CUX2: variants seen among roughly 807,000 people sequenced by gnomAD.
CUX2 encodes the protein cut like homeobox 2, also known as homeobox protein cut-like 2.
CUX2 carries 40 observed loss-of-function variants against 144.8 expected under a neutral mutation model. That is an observed-to-expected ratio of 0.28 (90% CI 0.21 to 0.36). The LOEUF (loss-of-function observed/expected upper bound fraction) is 0.36, where lower values mean the gene tolerates loss of function less well. Among genes scored for constraint, CUX2 ranks in the 10% least tolerant of loss-of-function variants. The probability of loss-of-function intolerance (pLI) is 1.00; values close to 1 mark genes in which losing one functional copy is unlikely to be tolerated. For synonymous variants in CUX2, 827 were observed against 875.6 expected (o/e 0.94, Z 0.98); for missense variants, 1,615 against 1,994.0 (o/e 0.81, Z 3.62).
At chr12:111,273,089 G>A (rs1351617092) in intron 4 of CUX2, among the ~76,000 whole-genome samples, 2 of 152,082 alleles carry the variant, frequency 1.3e-5, no homozygotes, top group Non-Finnish European at 2.9e-5. Flanking sequence ...GGAGACTCTC[G>A]GGTTCAGCAA....
chr12:111,070,990 C>T (rs1023404962), intron 1 of CUX2, among the ~76,000 whole-genome samples: 27 of 151,830 alleles, frequency 1.8e-4, no homozygotes, highest in Admixed American at 5.2e-4. Flanking sequence ...CAGGTACCAC[C>T]GTTTATTTAT....
At chr12:111,075,086 ACCCCCAC>A (rs947119858) in intron 1 of CUX2, among the ~76,000 whole-genome samples, 1 of 138,288 alleles carries the variant, frequency 7.2e-6, no homozygotes, top group African/African-American at 2.7e-5. Context: ...GACAGCCACC[ACCCCCAC>A]CCCCCACCAC....
At chr12:111,202,996 C>T (rs578168297) in intron 1 of CUX2, among the ~76,000 whole-genome samples, 13 of 152,174 alleles carry the variant, frequency 8.5e-5, no homozygotes, top group African/African-American at 1.7e-4. Context: ...CTTTGGGATG[C>T]CAAGGTGAGC....
intron 1 of CUX2, among the ~76,000 whole-genome samples, chr12:111,202,680 AG>A (rs1168925249): frequency 6.6e-6 from 1 of 152,176 alleles, no homozygotes; most frequent in Non-Finnish European, 1.5e-5. Flanking sequence ...CTGACATTGG[AG>A]GGGGCAGGAG....
At chr12:111,185,738 GC>G (rs1329594587) in intron 1 of CUX2, among the ~76,000 whole-genome samples, 1 of 152,172 alleles carries the variant, frequency 6.6e-6, no homozygotes. Flanking sequence ...AAGAGGCCCA[GC>G]CCCTACAGTC....
At chr12:111,099,298 T>G (rs372726071) in intron 1 of CUX2, 2 of 327,236 alleles carry the variant, frequency 6.1e-6, no homozygotes. Context: ...GCCTGGGACC[T>G]CCGGGTGAGC....
chr12:111,142,527 AG>A (rs968129073), intron 1 of CUX2, among the ~76,000 whole-genome samples: 41 of 139,286 alleles, frequency 2.9e-4, no homozygotes, highest in Non-Finnish European at 5.6e-4. Context: ...TTGTCAGGGA[AG>A]GAAAAAAAAA....
intron 1 of CUX2, among the ~76,000 whole-genome samples, chr12:111,156,939 T>G (rs937813953): frequency 7.4e-6 from 1 of 135,182 alleles, no homozygotes; most frequent in Non-Finnish European, 1.5e-5. Flanking sequence ...TGAGCCAAGA[T>G]TGTGCCACTG....
At position 111,307,851 on chromosome 12, in the gene CUX2, C is replaced by T. The variant is rs549015433; in HGVS notation, c.1110-434C>T. Among the ~76,000 whole-genome samples, 57 of 152,190 alleles carry T rather than the reference C, an allele frequency of 3.7e-4. No homozygotes were observed. Among genetic ancestry groups the T allele is most frequent in the Middle Eastern group, 3.4e-3 (1 of 294 alleles). On this transcript the variant is annotated intron_variant, in intron 12 of 21. Coordinates refer to ENST00000261726, the MANE Select transcript of CUX2 (RefSeq NM_015267.4). This position sits in a 1 kb window ranked among gnomAD's most constrained non-coding sequence, Gnocchi z 4.1. Reference sequence around the variant, plus strand: ...TACAGAAATTAGCCAGGTGTGGTGGCGCTCACCTGTAGTCCCAGCTACTTG... The same window carrying T: ...TACAGAAATTAGCCAGGTGTGGTGGTGCTCACCTGTAGTCCCAGCTACTTG...
At chr12:111,203,231 CAAAA>C (rs35855857) in intron 1 of CUX2, among the ~76,000 whole-genome samples, 7 of 76,528 alleles carry the variant, frequency 9.1e-5, no homozygotes, top group African/African-American at 1.4e-4. Context: ...GACTCTGTCT[CAAAA>C]AAAAAAAAAA....
Position 111,263,625 on chromosome 12 carries a change from A to AAAAC in CUX2, c.223-133_223-132insCAAA, listed in dbSNP as rs1555209473. 5.2e-5 allele frequency: 40 copies of AAAAC among 765,630 alleles called. No homozygotes were observed. The highest frequency in any genetic ancestry group is 7.8e-5 in the Non-Finnish European group (35 of 450,644). The allele number at this position is 765,630 out of a possible 1,614,324, so 47.4% of individuals were successfully genotyped here. On this transcript the variant is annotated intron_variant, in intron 3 of 21. Coordinates refer to ENST00000261726, the MANE Select transcript of CUX2 (RefSeq NM_015267.4). This position sits in a 1 kb window ranked among gnomAD's most constrained non-coding sequence, Gnocchi z 4.0. ...GGGCGACAGAGCAAGACTCTCTCTC[A>AAAAC]AAAACAAAACAAAACAAAACAAAAC...
At chr12:111,288,949 C>CA (rs1248100696) in intron 4 of CUX2, among the ~76,000 whole-genome samples, 5 of 151,284 alleles carry the variant, frequency 3.3e-5, no homozygotes, top group Non-Finnish European at 5.9e-5. Context: ...GGCAACAGCA[C>CA]AAAAAAAATA....
At chr12:111,258,153 CG>C (rs1480891023) in intron 3 of CUX2, among the ~76,000 whole-genome samples, 1 of 152,174 alleles carries the variant, frequency 6.6e-6, no homozygotes, top group Admixed American at 6.5e-5. Flanking sequence ...ACTTGATGCA[CG>C]GACAAACTGG....
At chr12:111,139,085 C>T (rs1347111232) in intron 1 of CUX2, among the ~76,000 whole-genome samples, 2 of 151,772 alleles carry the variant, frequency 1.3e-5, no homozygotes, top group East Asian at 1.9e-4. Flanking sequence ...CGTCTTTGAT[C>T]GCCATGTGAC....
chr12:111,034,299 G>T lies in CUX2; in HGVS notation c.63+59G>T. On this transcript the variant is annotated intron_variant, in intron 1 of 21. Coordinates refer to ENST00000261726, the MANE Select transcript of CUX2 (RefSeq NM_015267.4). The surrounding 1 kb of genome is among the most constrained non-coding windows in gnomAD (Gnocchi z 4.2). ...AGGAGCCCCCGGGCGCGCCCTGGGC[G>T]CATTGGGGAGGTCCCCGGGCGGGCA... 4.4e-6 allele frequency: 5 copies of T among 1,137,308 alleles called. No homozygotes were observed. Among genetic ancestry groups the T allele is most frequent in the Non-Finnish European group, 5.6e-6 (5 of 886,706 alleles). The allele number at this position is 1,137,308 out of a possible 1,614,324, so 70.5% of individuals were successfully genotyped here.
intron 1 of CUX2, among the ~76,000 whole-genome samples, chr12:111,111,009 C>T (rs1484392531): frequency 6.6e-6 from 1 of 152,180 alleles, no homozygotes; most frequent in Non-Finnish European, 1.5e-5. Context: ...TAGTTCAAGA[C>T]AATGGCTTTT....
At chr12:111,064,629 T>C (rs1024770718) in intron 1 of CUX2, among the ~76,000 whole-genome samples, 6 of 152,234 alleles carry the variant, frequency 3.9e-5, no homozygotes, top group African/African-American at 1.2e-4. Context: ...CCCCCAAATC[T>C]AGCCATGTAC....
intron 14 of CUX2, among the ~76,000 whole-genome samples, chr12:111,308,837 C>T (rs776122825): frequency 1.3e-5 from 2 of 152,192 alleles, no homozygotes; most frequent in Non-Finnish European, 2.9e-5. Flanking sequence ...AGGGCATTGT[C>T]ATTACACCCC....
chr12:111,314,948 A>AG (rs1284345781), intron 16 of CUX2, among the ~76,000 whole-genome samples: 3 of 152,150 alleles, frequency 2.0e-5, no homozygotes, highest in Non-Finnish European at 4.4e-5. Context: ...ACAGAGACAG[A>AG]GGGAAACCCC....
Sources: allele counts gnomAD v4.1 joint callset (sites outside exome capture counted in the v4.1 genomes callset), GRCh38; gene constraint gnomAD v4.1.1; non-coding constraint Gnocchi (gnomAD v3.1); transcripts MANE v1.5; gene names NCBI Gene and HGNC (gene_info 2026-07-23, HGNC 2026-07-21).